Variants in SOX5 observed in about 807,000 individuals in gnomAD.
SOX5 encodes the protein SRY-box transcription factor 5, also known as transcription factor SOX-5.
Under a neutral mutation model 92.0 loss-of-function variants are expected in SOX5, and 9 were observed. The ratio of observed to expected loss-of-function variants is 0.10; its 90% confidence interval spans 0.06 to 0.17. SOX5 has a LOEUF of 0.17. Ranked by LOEUF, SOX5 falls within the 10% of genes least tolerant of loss-of-function variation. The pLI is 1.00. For synonymous variants in SOX5, 344 were observed against 336.3 expected, an observed-to-expected ratio of 1.02 and a Z score of -0.25; for missense variants, 642 against 944.5, an observed-to-expected ratio of 0.68 and a Z score of 4.20.
chr12:24,035,889 GT>G (rs1274605917), intron 4 of SOX5, among the ~76,000 whole-genome samples: 1 of 151,946 alleles, frequency 6.6e-6, no homozygotes, highest in Non-Finnish European at 1.5e-5. Context: ...TTGCATCCAT[GT>G]CTGGGTGATT....
chr12:24,220,767 G>A (rs183347858), intron 3 of SOX5, among the ~76,000 whole-genome samples: 53 of 152,168 alleles, frequency 3.5e-4, no homozygotes, highest in Non-Finnish European at 5.9e-4. Flanking sequence ...CATTTTGAAC[G>A]GCAGTGCTCA....
intron 3 of SOX5, among the ~76,000 whole-genome samples, chr12:23,822,909 G>C (rs1368577627): frequency 2.0e-5 from 3 of 151,264 alleles, no homozygotes; most frequent in African/African-American, 7.3e-5. Context: ...ATCTTTGTTG[G>C]TTTAAAGTCT....
chr12:24,022,006 T>C (rs1464151589), intron 4 of SOX5, among the ~76,000 whole-genome samples: 1 of 152,194 alleles, frequency 6.6e-6, no homozygotes, highest in Non-Finnish European at 1.5e-5. Flanking sequence ...TGAACAAATA[T>C]TTATTGAGTG....
In SOX5 at chr12:24,039,340, A is replaced by T. The variant is rs1167622212; in HGVS notation, c.-1-143316T>A. The stretch of plus-strand genomic sequence containing the variant: ...TGGACTAAAACAAGCCAAAACAAAC[A>T]GTGTTTAAAACTTTAAAGTATATTG... On this transcript the variant is annotated intron_variant, in intron 4 of 4. Coordinates refer to the SOX5 transcript ENST00000446891. 2.6e-5 allele frequency among the ~76,000 whole-genome samples: 4 copies of T among 152,200 alleles called. No homozygotes were observed. The East Asian group carries it at 7.7e-4, about 29-fold the overall frequency.
chr12:23,755,431 A>T (rs2094335069), intron 4 of SOX5, among the ~76,000 whole-genome samples: 1 of 151,840 alleles, frequency 6.6e-6, no homozygotes, highest in Non-Finnish European at 1.5e-5. Flanking sequence ...GTTGAAAACA[A>T]CATATCATTT....
At chr12:23,681,022 G>C (rs1285878300) in intron 6 of SOX5, among the ~76,000 whole-genome samples, 1 of 152,014 alleles carries the variant, frequency 6.6e-6, no homozygotes, top group Non-Finnish European at 1.5e-5. Context: ...ATAGAATAGT[G>C]AGTGAAAAAA....
intron 1 of SOX5, among the ~76,000 whole-genome samples, chr12:24,438,284 G>T (rs1203200494): frequency 6.6e-6 from 1 of 152,136 alleles, no homozygotes; most frequent in East Asian, 1.9e-4. Flanking sequence ...GCCTGTCAGG[G>T]TTGGGGTGCC....
intron 3 of SOX5, among the ~76,000 whole-genome samples, chr12:24,254,389 A>G (rs1426944252): frequency 6.6e-6 from 1 of 151,710 alleles, no homozygotes; most frequent in Non-Finnish European, 1.5e-5. Flanking sequence ...AGTTGTAAAA[A>G]AAAAAGTCAA....
intron 3 of SOX5, among the ~76,000 whole-genome samples, chr12:23,810,022 C>A (rs1317204271): frequency 1.3e-5 from 2 of 151,968 alleles, no homozygotes; most frequent in Non-Finnish European, 2.9e-5. Flanking sequence ...ATTTAAAATG[C>A]AACAAAACAT....
intron 4 of SOX5, among the ~76,000 whole-genome samples, chr12:24,205,821 G>C (rs1329370140): frequency 6.6e-6 from 1 of 152,158 alleles, no homozygotes; most frequent in South Asian, 2.1e-4. Context: ...ATACCCTTGT[G>C]ACTGTGGTTT....
intron 1 of SOX5, among the ~76,000 whole-genome samples, chr12:24,374,326 G>GC (rs1184362430): frequency 2.6e-5 from 4 of 152,062 alleles, no homozygotes; most frequent in Admixed American, 2.0e-4. Flanking sequence ...GGGAATCCCT[G>GC]TTTTTAGTCT....
At chr12:24,189,908 A>G (rs1594092193) in intron 4 of SOX5, among the ~76,000 whole-genome samples, 1 of 152,204 alleles carries the variant, frequency 6.6e-6, no homozygotes, top group East Asian at 1.9e-4. Context: ...TACCAATGGC[A>G]GATACCCTGC....
intron 4 of SOX5, among the ~76,000 whole-genome samples, chr12:24,174,654 T>C (rs900053755): frequency 6.6e-6 from 1 of 152,120 alleles, no homozygotes; most frequent in Admixed American, 6.5e-5. Context: ...AAACCCCACC[T>C]GTACTAAAAA....
At chr12:24,431,111 G>T (rs1938220655) in intron 1 of SOX5, among the ~76,000 whole-genome samples, 1 of 152,084 alleles carries the variant, frequency 6.6e-6, no homozygotes, top group Non-Finnish European at 1.5e-5. Flanking sequence ...TGTAGACCAG[G>T]CAGTGTATAT....
intron 4 of SOX5, among the ~76,000 whole-genome samples, chr12:24,191,542 T>A (rs924092995): frequency 1.4e-4 from 22 of 152,164 alleles, no homozygotes; most frequent in African/African-American, 5.1e-4. Flanking sequence ...AGCTAGATAT[T>A]CAGCACCTGT....
At chr12:23,692,670 C>A (rs1239057438) in intron 6 of SOX5, among the ~76,000 whole-genome samples, 1 of 152,070 alleles carries the variant, frequency 6.6e-6, no homozygotes, top group Non-Finnish European at 1.5e-5. Context: ...TTAGGTAGAG[C>A]TTTTCACAAT....
chr12:24,500,201 A>G (rs1469017827), intron 1 of SOX5, among the ~76,000 whole-genome samples: 4 of 152,238 alleles, frequency 2.6e-5, no homozygotes, highest in Non-Finnish European at 4.4e-5. Context: ...AGGAAGTCAT[A>G]TAAATTTTCA....
chr12:24,285,583 T>C (rs1169633943), intron 2 of SOX5, among the ~76,000 whole-genome samples: 1 of 152,236 alleles, frequency 6.6e-6, no homozygotes, highest in African/African-American at 2.4e-5. Context: ...ATCTGCCTAG[T>C]CTATTTTAAG....
chr12:24,068,005 C>A (rs920627649), intron 4 of SOX5, among the ~76,000 whole-genome samples: 3 of 151,968 alleles, frequency 2.0e-5, no homozygotes, highest in African/African-American at 7.2e-5. Context: ...ATTAGCCAGG[C>A]GTGGTGGTGT....
Sources: gnomAD v4.1 joint callset for allele counts (sites outside exome capture counted in the v4.1 genomes callset) on GRCh38, gnomAD v4.1.1 for gene constraint, MANE v1.5 for transcripts, NCBI Gene and HGNC (gene_info 2026-07-23, HGNC 2026-07-21) for gene names.